Variants in RAC1 observed in about 807,000 individuals in gnomAD.
RAC1 encodes ras-related C3 botulinum toxin substrate 1.
RAC1 carries 2 observed loss-of-function variants against 25.2 expected under a neutral mutation model. The observed-to-expected ratio is 0.08, with a 90% CI of 0.03 to 0.25. RAC1 has a LOEUF of 0.25. RAC1 is among the 10% of genes least tolerant of loss of function. RAC1 has a pLI of 1.00. For synonymous variants in RAC1, 88 were observed against 94.0 expected, an observed-to-expected ratio of 0.94 and a Z score of 0.37; for missense variants, 50 against 235.7, an observed-to-expected ratio of 0.21 and a Z score of 5.16.
chr7:6,395,061 A>G (rs369401662), intron 3 of RAC1, among the ~76,000 whole-genome samples: 7 of 152,038 alleles, frequency 4.6e-5, no homozygotes, highest in Middle Eastern at 3.2e-3. Flanking sequence ...TCACCATGTT[A>G]GCCAGGATGG....
At chr7:6,394,381 C>A (rs751528641) in intron 3 of RAC1, among the ~76,000 whole-genome samples, 2 of 152,230 alleles carry the variant, frequency 1.3e-5, no homozygotes, top group Non-Finnish European at 2.9e-5. Flanking sequence ...CTAAGTTCTG[C>A]ATACTCATCT....
At chr7:6,379,837 C>A (rs1450389742) in intron 1 of RAC1, among the ~76,000 whole-genome samples, 1 of 152,208 alleles carries the variant, frequency 6.6e-6, no homozygotes, top group African/African-American at 2.4e-5. Context: ...CAACCTCTGC[C>A]TCCTGGGTTC....
At chr7:6,376,203 GACGGAGTTTC>G (rs1782588001) in intron 1 of RAC1, among the ~76,000 whole-genome samples, 1 of 32,318 alleles carries the variant, frequency 3.1e-5, no homozygotes, top group East Asian at 1.7e-3. Flanking sequence ...TTTTTTTTGA[GACGGAGTTTC>G]ACTCTGTTGC....
At position 6,382,534 on chromosome 7, in the gene RAC1, A is replaced by C. The variant is rs181373314; in HGVS notation, c.36-4678A>C. 5.3e-5 allele frequency among the ~76,000 whole-genome samples: 8 copies of C among 152,316 alleles called. No individual in the cohort carries two copies. In the East Asian group the frequency reaches 1.5e-3, roughly 29 times the overall value. ...TGGTTTATAGATTTCAGGAAGTAAC[A>C]CTAAAGTTTACCCTACTCTCCTCAA... On this transcript the variant is annotated intron_variant, in intron 1 of 5. Coordinates refer to ENST00000348035, the MANE Select transcript of RAC1 (RefSeq NM_006908.5).
chr7:6,385,366 G>T (rs1175297119), intron 1 of RAC1, among the ~76,000 whole-genome samples: 1 of 151,982 alleles, frequency 6.6e-6, no homozygotes, highest in Non-Finnish European at 1.5e-5. Flanking sequence ...GGAGCTGGTA[G>T]TTCTGCATTA....
intron 3 of RAC1, among the ~76,000 whole-genome samples, chr7:6,396,985 C>A (rs1220074133): frequency 6.8e-6 from 1 of 147,346 alleles, no homozygotes; most frequent in East Asian, 2.1e-4. Flanking sequence ...GAGCCAAGAT[C>A]GTGCCACTGC....
intron 1 of RAC1, among the ~76,000 whole-genome samples, chr7:6,382,957 C>A (rs1490698903): frequency 2.0e-5 from 3 of 152,092 alleles, no homozygotes; most frequent in Non-Finnish European, 2.9e-5. Context: ...CAGGACAGGG[C>A]AGGGGAAGCA....
chr7:6,400,226 A>G, intron 4 of RAC1, 38 bp downstream of exon 4: 1 of 1,512,746 alleles, frequency 6.6e-7, no homozygotes, highest in South Asian at 1.1e-5. Context: ...AAGTTATAGA[A>G]TGATCCTCTC....
chr7:6,399,663 G>A, intron 3 of RAC1, among the ~76,000 whole-genome samples: 1 of 152,208 alleles, frequency 6.6e-6, no homozygotes, highest in Non-Finnish European at 1.5e-5. Context: ...GGCTCAAGTA[G>A]CAAATATTGG....
chr7:6,379,190 C>G (rs958297195), intron 1 of RAC1, among the ~76,000 whole-genome samples: 1 of 151,448 alleles, frequency 6.6e-6, no homozygotes, highest in Non-Finnish European at 1.5e-5. Flanking sequence ...CAGCCTCCAC[C>G]TCCTGGGTTC....
In RAC1 at chr7:6,398,973, C is replaced by T. The variant is rs963534203; in HGVS notation, c.226-1153C>T. On this transcript the variant is annotated intron_variant, in intron 3 of 5. Coordinates refer to ENST00000348035, the MANE Select transcript of RAC1 (RefSeq NM_006908.5). ...AGGAGGGGACAGTGAGAGGGCCCCT[C>T]TCCTGGCTGGTTGGAGATGCAGATA... is the stretch of plus-strand genomic sequence containing the variant. Among the ~76,000 whole-genome samples the T allele has an allele frequency of 7.2e-5, 11 of 152,222 alleles. 1 individual carries two copies. Among genetic ancestry groups the T allele is most frequent in the Admixed American group, 3.9e-4 (6 of 15,284 alleles).
At chr7:6,379,268 ATTTTTTTT>A (rs768891793) in intron 1 of RAC1, among the ~76,000 whole-genome samples, 1 of 105,784 alleles carries the variant, frequency 9.5e-6, no homozygotes, top group African/African-American at 3.8e-5. Flanking sequence ...TGCCGAGGTA[ATTTTTTTT>A]TTTTTTTTTT....
intron 1 of RAC1, among the ~76,000 whole-genome samples, chr7:6,382,064 G>C (rs1446534222): frequency 6.6e-6 from 1 of 152,100 alleles, no homozygotes; most frequent in African/African-American, 2.4e-5. Context: ...TGCGATCTCA[G>C]CTCACTGCAA....
At chr7:6,393,130 G>C (rs1451552574) in intron 3 of RAC1, among the ~76,000 whole-genome samples, 1 of 152,154 alleles carries the variant, frequency 6.6e-6, no homozygotes, top group East Asian at 1.9e-4. Flanking sequence ...CTAGAGAAAG[G>C]CTGGCTTTGA....
chr7:6,378,662 CTT>C (rs1369993074), intron 1 of RAC1, among the ~76,000 whole-genome samples: 1 of 152,152 alleles, frequency 6.6e-6, no homozygotes, highest in African/African-American at 2.4e-5. Context: ...GGTTGATACT[CTT>C]TTATTCTAAG....
intron 2 of RAC1, among the ~76,000 whole-genome samples, chr7:6,388,408 C>T (rs1023562752): frequency 2.1e-5 from 3 of 141,080 alleles, no homozygotes; most frequent in Middle Eastern, 4.0e-3. Context: ...TGCTGTGATG[C>T]GATCTCAGCT....
chr7:6,400,433 A>G (rs918622511), intron 4 of RAC1, among the ~76,000 whole-genome samples: 2 of 151,804 alleles, frequency 1.3e-5, no homozygotes, highest in African/African-American at 2.4e-5. Flanking sequence ...GGGCTCAAAC[A>G]GTTCTCCTGC....
intron 1 of RAC1, among the ~76,000 whole-genome samples, chr7:6,385,316 T>C (rs1782895168): frequency 1.3e-5 from 2 of 152,166 alleles, no homozygotes; most frequent in African/African-American, 4.8e-5. Flanking sequence ...ACGGTTGATA[T>C]AAATTGAAAT....
Position 6,378,567 on chromosome 7 carries a change from C to A in RAC1, c.35+3797C>A, listed in dbSNP as rs35551995. ...GTCTTGAAAAAAAAAGAAAAAAAGT[C>A]AGAAATAATTTGCAAAGCATGTTAG... On this transcript the variant is annotated intron_variant, in intron 1 of 5. Transcript: ENST00000348035. 2.0e-5 allele frequency among the ~76,000 whole-genome samples: 3 copies of A among 151,846 alleles called. No individual in the cohort carries two copies. In the South Asian group the frequency reaches 6.2e-4, roughly 32 times the overall value.
Sources: allele counts gnomAD v4.1 joint callset (sites outside exome capture counted in the v4.1 genomes callset), GRCh38; gene constraint gnomAD v4.1.1; transcripts MANE v1.5; gene names NCBI Gene and HGNC (gene_info 2026-07-23, HGNC 2026-07-21).